Variants in FGD5 observed in about 807,000 individuals in gnomAD.
The protein encoded by FGD5 is FYVE, RhoGEF and PH domain containing 5.
FGD5 carries 28 observed loss-of-function variants against 133.4 expected under a neutral mutation model. The observed-to-expected ratio is 0.21, with a 90% CI of 0.16 to 0.29. The LOEUF is 0.29. Among genes scored for constraint, FGD5 ranks in the 10% least tolerant of loss-of-function variants. The pLI, the probability that FGD5 is intolerant of heterozygous loss-of-function variation, is 1.00. For synonymous variants in FGD5, 810 were observed against 776.5 expected, an observed-to-expected ratio of 1.04 and a Z score of -0.72; for missense variants, 1,858 against 1,895.2, an observed-to-expected ratio of 0.98 and a Z score of 0.36.
intron 1 of FGD5, among the ~76,000 whole-genome samples, chr3:14,850,153 C>G (rs971229150): frequency 6.6e-6 from 1 of 152,186 alleles, no homozygotes; most frequent in African/African-American, 2.4e-5. Flanking sequence ...CTCTGACTCC[C>G]AGAGCGGAGG....
chr3:14,924,204 A>G (rs1007378965), intron 17 of FGD5, 66 bp downstream of exon 17: 1 of 1,608,510 alleles, frequency 6.2e-7, no homozygotes, highest in Admixed American at 1.7e-5. Context: ...CATCCTGGGT[A>G]GACGGAGTCA....
At chr3:14,822,213 C>G (rs1244809143) in intron 1 of FGD5, among the ~76,000 whole-genome samples, 1 of 152,086 alleles carries the variant, frequency 6.6e-6, no homozygotes, top group Admixed American at 6.5e-5. Context: ...TTTTTGTTTA[C>G]ATTATTTGGG....
chr3:14,878,200 C>T (rs377159491), intron 2 of FGD5, among the ~76,000 whole-genome samples: 3 of 152,122 alleles, frequency 2.0e-5, no homozygotes, highest in Admixed American at 6.5e-5. Flanking sequence ...TGTGTGAGAC[C>T]GGGTTGGTTA....
chr3:14,918,798 T>A lies in FGD5; in HGVS notation c.3534T>A (p.Ile1178=), dbSNP rs746675213. The part of the protein sequence containing the change: ...VMEKVPYALK[I]ETSESCLMLS... The stretch of plus-strand genomic sequence containing the variant: ...AGAAAGTGCCCTACGCTCTAAAGAT[T>A]GAGACTTCCGAGTCCTGCCTGATGC... Residue 1178 remains isoleucine (I), a synonymous_variant, in exon 13 of 20, where the codon ATT becomes ATA. Coordinates refer to ENST00000285046, the MANE Select transcript of FGD5 (RefSeq NM_152536.4). 2 of 1,613,896 alleles carry A rather than the reference T, an allele frequency of 1.2e-6. No homozygotes were observed. The highest frequency in any genetic ancestry group is 1.7e-6 in the Non-Finnish European group (2 of 1,179,876).
upstream of FGD5, chr3:14,810,722 C>T (rs1394482722): frequency 5.9e-6 from 5 of 841,386 alleles, no homozygotes; most frequent in Non-Finnish European, 7.1e-6. Flanking sequence ...CCGAGGCGCG[C>T]CGGGGCCGGG....
intron 18 of FGD5, 124 bp from the exon 19 acceptor site, chr3:14,932,435 ACAGTTTGTGTGTGGTGAG>A: frequency 1.1e-6 from 1 of 918,580 alleles, no homozygotes; most frequent in Non-Finnish European, 1.6e-6. Flanking sequence ...GCGAGGGTCA[ACAGTTTGTGTGTGGTGAG>A]CCCGAAGGTG....
chr3:14,818,121 A>G (rs1006612952), upstream of FGD5, among the ~76,000 whole-genome samples: 5 of 152,186 alleles, frequency 3.3e-5, no homozygotes, highest in African/African-American at 1.2e-4. Context: ...TCTGCACCAC[A>G]TCTTTTATTC....
chr3:14,836,613 AC>A (rs2036822020), intron 1 of FGD5, among the ~76,000 whole-genome samples: 1 of 152,020 alleles, frequency 6.6e-6, no homozygotes, highest in Admixed American at 6.6e-5. Context: ...TCAGGATTCC[AC>A]CCAGGCTGTC....
intron 16 of FGD5, among the ~76,000 whole-genome samples, chr3:14,923,538 A>G (rs1016603562): frequency 6.6e-6 from 1 of 152,076 alleles, no homozygotes; most frequent in African/African-American, 2.4e-5. Context: ...TAAGCGTGGC[A>G]GCAGAGGAGC....
chr3:14,865,119 A>ACCCCCCCCCC (rs1216267069), intron 2 of FGD5, among the ~76,000 whole-genome samples: 99 of 140,770 alleles, frequency 7.0e-4, no homozygotes, highest in African/African-American at 9.6e-4. Context: ...CCCCCACCCA[A>ACCCCCCCCCC]CCCACCCATC....
chr3:14,837,172 G>A (rs1232651050), intron 1 of FGD5, among the ~76,000 whole-genome samples: 1 of 152,172 alleles, frequency 6.6e-6, no homozygotes, highest in Non-Finnish European at 1.5e-5. Flanking sequence ...CCAGCCTGGG[G>A]CCCTGCGTGC....
At chr3:14,810,738 G>C (rs1166498798), upstream of FGD5, 13 of 913,416 alleles carry the variant, frequency 1.4e-5, no homozygotes, top group Non-Finnish European at 1.6e-5. Flanking sequence ...CCGGGCGGGC[G>C]CCAGGGGGTG....
At chr3:14,897,068 A>G in intron 4 of FGD5, 1 of 186,888 alleles carries the variant, frequency 5.4e-6, no homozygotes, top group Non-Finnish European at 1.1e-5. Context: ...TTAATATACC[A>G]TAGGGTGGAT....
intron 1 of FGD5, among the ~76,000 whole-genome samples, chr3:14,859,500 C>T (rs939750703): frequency 3.9e-5 from 6 of 151,908 alleles, no homozygotes; most frequent in Non-Finnish European, 1.5e-5. Flanking sequence ...AGAGGTTGCA[C>T]TTAGCAGAGA....
At chr3:14,817,844 A>G (rs1202399894), upstream of FGD5, among the ~76,000 whole-genome samples, 1 of 152,196 alleles carries the variant, frequency 6.6e-6, no homozygotes, top group Non-Finnish European at 1.5e-5. Context: ...CTTTTGAAGC[A>G]GAGATGTTGG....
At chr3:14,912,217 G>T (rs1332061516) in intron 11 of FGD5, among the ~76,000 whole-genome samples, 3 of 152,194 alleles carry the variant, frequency 2.0e-5, no homozygotes, top group African/African-American at 7.2e-5. Context: ...CTGGGCAGAA[G>T]TGTGGAGCCT....
chr3:14,897,477 A>T, intron 4 of FGD5, 32 bp from the exon 5 acceptor site: 1 of 1,589,334 alleles, frequency 6.3e-7, no homozygotes, highest in Non-Finnish European at 8.6e-7. Context: ...AGTCCTATCA[A>T]CCTGTGGGTA....
Position 14,835,120 on chromosome 3 carries a change from C to T in FGD5, c.2525+13524C>T, listed in dbSNP as rs1026160542. ...GCTTTCCCCTGGCAAGCGTTGCCCCCGCCTTAGGAAATGGCGAGCCACTCT... is the reference window on the plus strand; with the variant it reads ...GCTTTCCCCTGGCAAGCGTTGCCCCTGCCTTAGGAAATGGCGAGCCACTCT... On this transcript the variant is annotated intron_variant, in intron 1 of 19. Coordinates refer to ENST00000285046, the MANE Select transcript of FGD5 (RefSeq NM_152536.4). 5.3e-5 allele frequency among the ~76,000 whole-genome samples: 8 copies of T among 152,196 alleles called. No individual in the cohort carries two copies. The South Asian group carries it at 6.2e-4, about 12-fold the overall frequency.
intron 4 of FGD5, among the ~76,000 whole-genome samples, chr3:14,891,842 C>G (rs2038034288): frequency 6.6e-6 from 1 of 152,172 alleles, no homozygotes. Flanking sequence ...ACATCTCACC[C>G]TGGAGCCCTC....
Sources: gnomAD v4.1 joint callset for allele counts (sites outside exome capture counted in the v4.1 genomes callset) on GRCh38, gnomAD v4.1.1 for gene constraint, MANE v1.5 for transcripts, NCBI Gene and HGNC (gene_info 2026-07-23, HGNC 2026-07-21) for gene names.